Variants in CPEB3 observed in about 807,000 individuals in gnomAD.
CPEB3 encodes the protein cytoplasmic polyadenylation element binding protein 3.
In CPEB3, 20 loss-of-function variants were observed where a neutral mutation model predicts 67.2. That is an observed-to-expected ratio of 0.30 (90% CI 0.21 to 0.43). The LOEUF is 0.43. CPEB3 is among the 20% of genes least tolerant of loss of function. The pLI is 1.00. For missense variants in CPEB3, 746 were observed against 968.6 expected (o/e 0.77, Z 3.05); for synonymous variants, 376 against 393.1 (o/e 0.96, Z 0.51).
At chr10:92,112,126 CTTTTTTTTTTTT>C (rs201432910) in intron 6 of CPEB3, among the ~76,000 whole-genome samples, 10 of 122,042 alleles carry the variant, frequency 8.2e-5, no homozygotes, top group Admixed American at 1.8e-4. Flanking sequence ...GACCACGTTC[CTTTTTTTTTTTT>C]TTTTTTTTTT....
intron 2 of CPEB3, among the ~76,000 whole-genome samples, chr10:92,208,945 A>T (rs1849932158): frequency 6.6e-6 from 1 of 152,068 alleles, no homozygotes; most frequent in African/African-American, 2.4e-5. Flanking sequence ...TTCCTAGCAT[A>T]TGGCTCTGTC....
chr10:92,102,346 T>C (rs1844230940), intron 7 of CPEB3, among the ~76,000 whole-genome samples: 2 of 152,230 alleles, frequency 1.3e-5, no homozygotes, highest in Non-Finnish European at 1.5e-5. Flanking sequence ...CAAGTAGAAA[T>C]AGAAAATCTT....
chr10:92,241,411 G>T (rs1217077347), intron 1 of CPEB3, among the ~76,000 whole-genome samples: 1 of 152,140 alleles, frequency 6.6e-6, no homozygotes, highest in Non-Finnish European at 1.5e-5. Context: ...GAATCCTCCT[G>T]CTGCTGTCTT....
At chr10:92,281,738 T>C (rs988876785) in intron 1 of CPEB3, among the ~76,000 whole-genome samples, 2 of 152,224 alleles carry the variant, frequency 1.3e-5, no homozygotes, top group African/African-American at 4.8e-5. Flanking sequence ...TGTTTAATCA[T>C]GGACATTAAG....
chr10:92,172,123 C>T (rs889220517), intron 4 of CPEB3, among the ~76,000 whole-genome samples: 1 of 152,046 alleles, frequency 6.6e-6, no homozygotes, highest in East Asian at 1.9e-4. Flanking sequence ...TAACAAGACC[C>T]TGTCTCTACA....
At position 92,081,341 on chromosome 10, in the gene CPEB3, C is replaced by T; in HGVS notation, c.1848G>A (p.Gln616=). 6.2e-7 allele frequency: 1 copy of T among 1,614,180 alleles called. No individual in the cohort carries two copies. Among genetic ancestry groups the T allele is most frequent in the Non-Finnish European group, 8.5e-7 (1 of 1,180,022 alleles). Residue 616 remains glutamine (Q), a synonymous_variant, in exon 9 of 10, where the codon CAG becomes CAA. Transcript: ENST00000265997. ...TTACCCGTTTGTCAATGTCATTGTG[C>T]TGAAGCTGCACAAAACGAGCGCTGA... ...AAISARFVQL[Q]HNDIDKRVEV...
At chr10:92,288,316 C>G (rs1842633918) in intron 1 of CPEB3, among the ~76,000 whole-genome samples, 1 of 151,902 alleles carries the variant, frequency 6.6e-6, no homozygotes, top group Non-Finnish European at 1.5e-5. Context: ...TTTTTTAAGC[C>G]AGACATGGTG....
At chr10:92,156,274 T>C (rs1847205239) in intron 4 of CPEB3, among the ~76,000 whole-genome samples, 3 of 152,086 alleles carry the variant, frequency 2.0e-5, no homozygotes, top group African/African-American at 7.2e-5. Context: ...GTGACCTGTA[T>C]GGCCAGAGAG....
chr10:92,146,256 A>G (rs1054607146), intron 4 of CPEB3, among the ~76,000 whole-genome samples: 2 of 152,212 alleles, frequency 1.3e-5, no homozygotes, highest in Admixed American at 6.5e-5. Flanking sequence ...AGTAAATATA[A>G]CACAATAATG....
intron 1 of CPEB3, among the ~76,000 whole-genome samples, chr10:92,274,774 G>A (rs566940720): frequency 3.3e-5 from 5 of 152,234 alleles, no homozygotes; most frequent in Admixed American, 6.5e-5. Flanking sequence ...CGAGTGAGTC[G>A]AGGCTGCGTC....
chr10:92,052,282 C>T lies in CPEB3; in HGVS notation c.2027G>A (p.Arg676Gln), dbSNP rs780145642. The T allele has an allele frequency of 7.4e-6, 12 of 1,614,008 alleles. No homozygotes were observed. Among genetic ancestry groups the T allele is most frequent in the Admixed American group, 3.3e-5 (2 of 59,996 alleles). ...CWASIHSRAG[R>Q]EFHKPLVKEG... The stretch of plus-strand genomic sequence containing the variant: ...CTTCACCAGCGGTTTGTGGAACTCC[C>T]GCCCGGCTCGGGAATGTATGCTCGC... Residue 676 changes from arginine (R) to glutamine (Q), a missense_variant, in exon 10 of 10, where the codon CGG becomes CAG. By Grantham distance (43) the Arg-to-Gln change is conservative. Coordinates refer to ENST00000265997, the MANE Select transcript of CPEB3 (RefSeq NM_014912.5).
At chr10:92,149,918 A>G (rs1304746864) in intron 4 of CPEB3, among the ~76,000 whole-genome samples, 1 of 152,196 alleles carries the variant, frequency 6.6e-6, no homozygotes, top group Non-Finnish European at 1.5e-5. Context: ...CAGCCACTGA[A>G]AGAGATATTT....
At chr10:92,197,320 A>G (rs1393349449) in intron 2 of CPEB3, among the ~76,000 whole-genome samples, 3 of 152,216 alleles carry the variant, frequency 2.0e-5, no homozygotes, top group Non-Finnish European at 4.4e-5. Context: ...TTGCTGAAAT[A>G]AGTGATTAAC....
intron 6 of CPEB3, among the ~76,000 whole-genome samples, chr10:92,141,501 G>A (rs1423578863): frequency 1.3e-5 from 2 of 151,496 alleles, no homozygotes; most frequent in Admixed American, 6.6e-5. Context: ...GGATGGGGGA[G>A]GGATAGCATT....
At chr10:92,125,494 T>C (rs1845569865) in intron 6 of CPEB3, among the ~76,000 whole-genome samples, 2 of 152,138 alleles carry the variant, frequency 1.3e-5, no homozygotes, top group African/African-American at 4.8e-5. Flanking sequence ...TCTGTCCCAC[T>C]ATGAGAGGTG....
chr10:92,148,219 C>T (rs1316394559), intron 4 of CPEB3, among the ~76,000 whole-genome samples: 1 of 152,174 alleles, frequency 6.6e-6, no homozygotes, highest in Admixed American at 6.5e-5. Context: ...CTGCACACCC[C>T]TTCTACGTCA....
chr10:92,241,026 GC>G (rs1449689379), intron 1 of CPEB3, among the ~76,000 whole-genome samples: 1 of 152,108 alleles, frequency 6.6e-6, no homozygotes, highest in Admixed American at 6.6e-5. Flanking sequence ...AGTAGCTGCA[GC>G]TACTCCATTT....
At chr10:92,241,067 C>A (rs1249287184) in intron 1 of CPEB3, among the ~76,000 whole-genome samples, 3 of 151,990 alleles carry the variant, frequency 2.0e-5, no homozygotes, top group East Asian at 1.9e-4. Flanking sequence ...TTAAAAAAAA[C>A]GTTTTTAAAG....
At chr10:92,107,662 G>A (rs1322660116) in intron 7 of CPEB3, among the ~76,000 whole-genome samples, 1 of 152,026 alleles carries the variant, frequency 6.6e-6, no homozygotes, top group Non-Finnish European at 1.5e-5. Context: ...GGACACAGCT[G>A]TCTTCTGATA....
Sources: allele counts gnomAD v4.1 joint callset (sites outside exome capture counted in the v4.1 genomes callset), GRCh38; gene constraint gnomAD v4.1.1; transcripts MANE v1.5; gene names NCBI Gene and HGNC (gene_info 2026-07-23, HGNC 2026-07-21).